Variants in CALHM4 observed in about 807,000 individuals in gnomAD.
The protein encoded by CALHM4 is calcium homeostasis modulator family member 4.
A neutral mutation model predicts 13.3 loss-of-function variants in CALHM4; 16 were observed. The ratio of observed to expected loss-of-function variants is 1.20; its 90% confidence interval spans 0.81 to 1.82. CALHM4 has a LOEUF of 1.82. Ranked by LOEUF, CALHM4 falls within the 40% of genes most tolerant of loss-of-function variation. CALHM4 has a pLI of 0.00. For missense variants in CALHM4, 344 were observed against 374.9 expected (o/e 0.92, Z 0.68); for synonymous variants, 127 against 137.1 (o/e 0.93, Z 0.52).
In CALHM4 at chr6:116,558,824, C is replaced by A. The variant is rs1042716080; in HGVS notation, c.*613C>A. The A allele has an allele frequency of 2.6e-5, 4 of 152,188 alleles. No individual in the cohort carries two copies. The East Asian group carries it at 7.7e-4, about 29-fold the overall frequency. The allele number at this position is 152,188 out of a possible 1,614,324, so 9.4% of individuals were successfully genotyped here. A position where few individuals can be genotyped will look rare whatever the true frequency, so the allele number is the denominator to read the frequency against. ...AATCCAGTAACATGTGAGGGAGAAG[C>A]CCATGCAGGAAGCTCTTGAGTTACT... On this transcript the variant is annotated 3_prime_UTR_variant, in exon 2 of 2. Transcript: ENST00000368596.
intron 1 of CALHM4, 84 bp from the exon 2 acceptor site, chr6:116,557,741 G>A (rs1308819423): frequency 6.8e-7 from 1 of 1,471,468 alleles, no homozygotes; most frequent in African/African-American, 1.4e-5. Context: ...TCTTAGGTTT[G>A]TAGGAATCCC....
chr6:116,558,162 A>G lies in CALHM4; in HGVS notation c.896A>G (p.Asp299Gly). Reference sequence around the variant, plus strand: ...TATAGCTTCCTTGGAAATAGGGTGGATGAGGATAATGAGGAAGACAGATCA... The same window carrying G: ...TATAGCTTCCTTGGAAATAGGGTGGGTGAGGATAATGAGGAAGACAGATCA... ...GHYSFLGNRV[D>G]EDNEEDRSRG... The change falls in exon 2 of 2, where the codon GAT (aspartate) becomes GGT (glycine). Residue 299 changes from aspartate to glycine, a missense_variant. Asp to Gly is a moderately conservative substitution (Grantham distance 94). Transcript: ENST00000368596. 1 of 1,614,020 alleles carries G rather than the reference A, an allele frequency of 6.2e-7. No homozygotes were observed.
chr6:116,536,889 G>A (rs954684701), intron 1 of CALHM4, among the ~76,000 whole-genome samples: 2 of 152,014 alleles, frequency 1.3e-5, no homozygotes, highest in African/African-American at 4.8e-5. Flanking sequence ...CTCCTCTGAG[G>A]AGAGTTTACA....
At chr6:116,550,753 T>C (rs143191938), upstream of CALHM4, among the ~76,000 whole-genome samples, 1 of 152,292 alleles carries the variant, frequency 6.6e-6, no homozygotes, top group African/African-American at 2.4e-5. Context: ...ATTACACTTA[T>C]ACGCCTGAAG....
chr6:116,530,926 T>TATAC (rs1554235967), intron 1 of CALHM4, among the ~76,000 whole-genome samples: 4 of 142,830 alleles, frequency 2.8e-5, no homozygotes, highest in African/African-American at 7.8e-5. Context: ...TATATATATA[T>TATAC]ATATATATAT....
intron 1 of CALHM4, among the ~76,000 whole-genome samples, chr6:116,539,387 A>C (rs1202561187): frequency 6.6e-6 from 1 of 152,192 alleles, no homozygotes; most frequent in Non-Finnish European, 1.5e-5. Context: ...GCCATGAAAT[A>C]ATACCAGTAA....
In CALHM4 at chr6:116,558,314, T is replaced by A; in HGVS notation, c.*103T>A. 8.0e-7 allele frequency: 1 copy of A among 1,247,590 alleles called. No individual in the cohort carries two copies. Among genetic ancestry groups the A allele is most frequent in the Non-Finnish European group, 1.1e-6 (1 of 916,424 alleles). 77.3% of individuals were successfully genotyped at this position (1,247,590 alleles called of 1,614,324 possible). On this transcript the variant is annotated 3_prime_UTR_variant, in exon 2 of 2. Transcript: ENST00000368596. The stretch of plus-strand genomic sequence containing the variant: ...TAATCTCTTCATCTTTTTCTTTCTC[T>A]CTGATATTTGTTTACGTAAGTCCAT...
intron 1 of CALHM4, among the ~76,000 whole-genome samples, chr6:116,529,371 T>G (rs1332677853): frequency 6.6e-6 from 1 of 151,836 alleles, no homozygotes; most frequent in Non-Finnish European, 1.5e-5. Context: ...ATTAAAAAAT[T>G]TTAGAATCTT....
chr6:116,548,538 C>T (rs1773910297), intron 2 of CALHM4, among the ~76,000 whole-genome samples: 1 of 152,130 alleles, frequency 6.6e-6, no homozygotes, highest in African/African-American at 2.4e-5. Context: ...ATTTTACAAT[C>T]CAATAATGTT....
rs1407395329 is a variant in CALHM4 at position 116,559,932 on chromosome 6, T to C, written c.*1721T>C. On this transcript the variant is annotated 3_prime_UTR_variant, in exon 2 of 2. Coordinates refer to ENST00000368596, the MANE Select transcript of CALHM4 (RefSeq NM_001366078.2). The stretch of plus-strand genomic sequence containing the variant: ...CATTCCACTTTTAAAAGAATGTTAA[T>C]GTACTGATCTTTTTCAAGTCATCAA... Among the ~76,000 whole-genome samples the C allele has an allele frequency of 6.6e-6, 1 of 152,220 alleles. No homozygotes were observed. The highest frequency in any genetic ancestry group is 2.4e-5 in the African/African-American group (1 of 41,468).
At position 116,530,902 on chromosome 6, in the gene CALHM4, CATATATATATATATATATATATATATAT is replaced by C. The variant is rs10557481; in HGVS notation, c.-109+1727_-109+1754del. On this transcript the variant is annotated intron_variant, in intron 1 of 2. Coordinates refer to the CALHM4 transcript ENST00000368597. ...GAAGGTTCATAGATAAAGTGAGACT[CATATATATATATATATATATATATATAT>C]ATATATATATATATGTTACTAATTT... Among the ~76,000 whole-genome samples, 21 of 76,482 alleles carry C rather than the reference CATATATATATATATATATATATATATAT, an allele frequency of 2.7e-4. 1 individual carries two copies. The East Asian group carries it at 3.4e-3, about 12-fold the overall frequency. 50.2% of individuals were successfully genotyped at this position (76,482 alleles called of 152,430 possible). A position where few individuals can be genotyped will look rare whatever the true frequency, so the allele number is the denominator to read the frequency against.
intron 1 of CALHM4, chr6:116,540,241 C>A: frequency 1.1e-6 from 1 of 879,888 alleles, no homozygotes; most frequent in South Asian, 1.8e-5. Flanking sequence ...ATCAGAATCT[C>A]CTTTCTCAGC....
At position 116,542,306 on chromosome 6, in the gene CALHM4, A is replaced by T. The variant is rs114382785; in HGVS notation, c.-108-1459A>T. Among the ~76,000 whole-genome samples, 438 of 152,242 alleles carry T rather than the reference A, an allele frequency of 2.9e-3. 3 individuals carry two copies. Among genetic ancestry groups the T allele is most frequent in the African/African-American group, 0.01 (423 of 41,548 alleles). ...TAATTAAGTAGAAATTCCAAAAAAA[A>T]GTCATGTGTACAAAAATAAATTATA... On this transcript the variant is annotated intron_variant, in intron 1 of 2. Transcript: ENST00000368597.
chr6:116,546,047 G>A (rs1414327961), intron 2 of CALHM4, among the ~76,000 whole-genome samples: 1 of 152,160 alleles, frequency 6.6e-6, no homozygotes, highest in Non-Finnish European at 1.5e-5. Context: ...TACACCAATG[G>A]TTATCACACT....
intron 1 of CALHM4, among the ~76,000 whole-genome samples, chr6:116,556,415 G>T (rs1422171514): frequency 1.3e-5 from 2 of 152,188 alleles, no homozygotes; most frequent in African/African-American, 4.8e-5. Context: ...AGGTCAACCT[G>T]GAGCTCAGTA....
intron 1 of CALHM4, among the ~76,000 whole-genome samples, chr6:116,537,895 T>C (rs1419167663): frequency 6.6e-6 from 1 of 152,242 alleles, no homozygotes; most frequent in African/African-American, 2.4e-5. Flanking sequence ...ATGTACTTCC[T>C]ATTGGCATAT....
At chr6:116,553,695 C>A, upstream of CALHM4, 1 of 1,104,762 alleles carries the variant, frequency 9.1e-7, no homozygotes, top group Non-Finnish European at 1.3e-6. Context: ...TCACTTGACA[C>A]AACCAGTTAA....
chr6:116,535,002 C>T (rs1451015168), intron 1 of CALHM4, among the ~76,000 whole-genome samples: 5 of 152,080 alleles, frequency 3.3e-5, no homozygotes, highest in Non-Finnish European at 7.3e-5. Context: ...ATCATATTGA[C>T]ATGGACCTGA....
intron 2 of CALHM4, chr6:116,545,668 T>C (rs1044450798): frequency 1.9e-6 from 1 of 537,188 alleles, no homozygotes; most frequent in Admixed American, 3.9e-5. Context: ...CTTTTGCTCT[T>C]TGCTGAGCTG....
Sources: gnomAD v4.1 joint callset for allele counts (sites outside exome capture counted in the v4.1 genomes callset) on GRCh38, gnomAD v4.1.1 for gene constraint, MANE v1.5 for transcripts, NCBI Gene and HGNC (gene_info 2026-07-23, HGNC 2026-07-21) for gene names.